STAG1: variants seen among roughly 807,000 people sequenced by gnomAD.
STAG1 encodes the protein cohesin subunit SA-1.
In STAG1, 26 loss-of-function variants were observed where a neutral mutation model predicts 170.9. That is an observed-to-expected ratio of 0.15 (90% CI 0.11 to 0.21). The LOEUF (loss-of-function observed/expected upper bound fraction) is 0.21, where lower values mean the gene tolerates loss of function less well. STAG1 is among the 10% of genes least tolerant of loss of function. The pLI, the probability that STAG1 is intolerant of heterozygous loss-of-function variation, is 1.00. For missense variants in STAG1, 964 were observed against 1,509.5 expected (o/e 0.64, Z 5.99); for synonymous variants, 514 against 497.7 (o/e 1.03, Z -0.44).
intron 3 of STAG1, among the ~76,000 whole-genome samples, chr3:136,618,275 T>C (rs1001838377): frequency 3.3e-5 from 5 of 152,328 alleles, no homozygotes; most frequent in South Asian, 2.1e-4. Context: ...TAGTTTAGCC[T>C]GGGTGGTCTA....
intron 4 of STAG1, among the ~76,000 whole-genome samples, chr3:136,594,279 T>A (rs945661774): frequency 6.6e-6 from 1 of 152,130 alleles, no homozygotes; most frequent in Non-Finnish European, 1.5e-5. Context: ...ACGAAGCGAT[T>A]TGGCATGTAA....
chr3:136,551,926 T>TGAGA (rs890122637), intron 5 of STAG1, among the ~76,000 whole-genome samples: 1 of 150,032 alleles, frequency 6.7e-6, no homozygotes, highest in Admixed American at 6.6e-5. Flanking sequence ...AGAGAGACAC[T>TGAGA]GAGAGAGAGA....
chr3:136,458,736 A>C (rs1410424097), intron 13 of STAG1, among the ~76,000 whole-genome samples: 6 of 152,198 alleles, frequency 3.9e-5, no homozygotes, highest in Admixed American at 3.9e-4. Flanking sequence ...AAAGTGGCTG[A>C]AACGATTAAA....
chr3:136,717,513 A>C (rs1943572410), intron 1 of STAG1, among the ~76,000 whole-genome samples: 2 of 152,118 alleles, frequency 1.3e-5, no homozygotes, highest in Non-Finnish European at 2.9e-5. Flanking sequence ...AAAATACAAA[A>C]ATTAACCGAG....
At chr3:136,630,215 A>G (rs1474975703) in intron 2 of STAG1, among the ~76,000 whole-genome samples, 2 of 152,164 alleles carry the variant, frequency 1.3e-5, no homozygotes, top group East Asian at 1.9e-4. Context: ...AAAAATAAAA[A>G]TAAGTCCCAA....
intron 19 of STAG1, among the ~76,000 whole-genome samples, chr3:136,422,048 G>A (rs2087973171): frequency 6.6e-6 from 1 of 151,706 alleles, no homozygotes; most frequent in South Asian, 2.1e-4. Context: ...TCAAGAGGCT[G>A]AGGCAGGAGA....
At chr3:136,444,712 T>C (rs2107764476) in intron 14 of STAG1, among the ~76,000 whole-genome samples, 1 of 152,308 alleles carries the variant, frequency 6.6e-6, no homozygotes, top group South Asian at 2.1e-4. Flanking sequence ...AGAGAAAATA[T>C]TTTTCTCATC....
intron 1 of STAG1, among the ~76,000 whole-genome samples, chr3:136,671,767 T>A (rs111953658): frequency 1.2e-3 from 176 of 151,894 alleles, no homozygotes; most frequent in African/African-American, 2.4e-3. Context: ...CTGTAGTTCG[T>A]GTTATTTTGC....
rs181957062 is a variant in STAG1 at position 136,654,580 on chromosome 3, C to T, written c.-83-23599G>A. 2.1e-3 allele frequency among the ~76,000 whole-genome samples: 314 copies of T among 152,246 alleles called. 6 individuals are homozygous for T. Among genetic ancestry groups the T allele is most frequent in the Admixed American group, 0.014 (219 of 15,288 alleles). ...CCAAAAGCAGTCTGCAGATTCAATG[C>T]AAACCCTTTCAAAATAACAACAGTA... On this transcript the variant is annotated intron_variant, in intron 1 of 33. Transcript: ENST00000383202.
At chr3:136,420,852 A>T (rs1164579467) in intron 20 of STAG1, among the ~76,000 whole-genome samples, 2 of 152,156 alleles carry the variant, frequency 1.3e-5, no homozygotes, top group African/African-American at 4.8e-5. Context: ...TCGGCTCACG[A>T]CAACCCCCAC....
At chr3:136,412,924 T>C (rs113665444) in intron 21 of STAG1, among the ~76,000 whole-genome samples, 171 of 151,022 alleles carry the variant, frequency 1.1e-3, no homozygotes, top group African/African-American at 2.4e-3. Context: ...TGCAGTGGCG[T>C]AAATCTCAGC....
intron 21 of STAG1, among the ~76,000 whole-genome samples, chr3:136,405,233 T>C (rs941653076): frequency 5.2e-5 from 1 of 19,396 alleles, no homozygotes; most frequent in Admixed American, 6.3e-4. Context: ...AAAAACCTCT[T>C]TTTTTTTTTT....
intron 4 of STAG1, among the ~76,000 whole-genome samples, chr3:136,574,119 T>C (rs2107769099): frequency 6.6e-6 from 1 of 152,060 alleles, no homozygotes; most frequent in African/African-American, 2.4e-5. Flanking sequence ...CACGCGCCTA[T>C]AGTCCCAGCT....
chr3:136,736,001 T>C (rs1481107225), intron 1 of STAG1, among the ~76,000 whole-genome samples: 4 of 152,216 alleles, frequency 2.6e-5, no homozygotes, highest in Non-Finnish European at 5.9e-5. Context: ...TGCCACTCTG[T>C]GTGCCCACAA....
chr3:136,540,574 CA>C (rs1935841137), intron 6 of STAG1, among the ~76,000 whole-genome samples: 1 of 151,712 alleles, frequency 6.6e-6, no homozygotes, highest in Non-Finnish European at 1.5e-5. Flanking sequence ...GTAATTCGAG[CA>C]CTTTGGGAGG....
intron 1 of STAG1, among the ~76,000 whole-genome samples, chr3:136,745,066 T>C (rs1934868199): frequency 6.6e-6 from 1 of 152,192 alleles, no homozygotes; most frequent in South Asian, 2.1e-4. Flanking sequence ...ATTTTCATTG[T>C]GTGTGGATGT....
chr3:136,521,990 G>C (rs1934702085), intron 6 of STAG1, among the ~76,000 whole-genome samples: 1 of 152,122 alleles, frequency 6.6e-6, no homozygotes, highest in Non-Finnish European at 1.5e-5. Context: ...AGTTTTCTAA[G>C]AAAACAATCT....
At chr3:136,668,399 TTATG>T (rs903230234) in intron 1 of STAG1, among the ~76,000 whole-genome samples, 1 of 145,834 alleles carries the variant, frequency 6.9e-6, no homozygotes, top group African/African-American at 2.5e-5. Context: ...AAAATATATA[TTATG>T]TATAATATAT....
intron 5 of STAG1, among the ~76,000 whole-genome samples, chr3:136,542,983 G>A (rs893960193): frequency 1.3e-5 from 2 of 152,068 alleles, no homozygotes; most frequent in Non-Finnish European, 2.9e-5. Context: ...AAAGTCAATG[G>A]AATCTATCAA....
Sources: gnomAD v4.1 joint callset for allele counts (sites outside exome capture counted in the v4.1 genomes callset) on GRCh38, gnomAD v4.1.1 for gene constraint, MANE v1.5 for transcripts, NCBI Gene and HGNC (gene_info 2026-07-23, HGNC 2026-07-21) for gene names.